IL20RA: variants seen among roughly 807,000 people sequenced by gnomAD.
The protein encoded by IL20RA is interleukin-20 receptor subunit alpha.
A neutral mutation model predicts 36.5 loss-of-function variants in IL20RA; 29 were observed. The observed-to-expected ratio is 0.79, with a 90% CI of 0.59 to 1.08. The LOEUF is 1.08. Ranked by LOEUF, IL20RA falls within the 50% of genes least tolerant of loss-of-function variation. The probability of loss-of-function intolerance (pLI) is 0.00; values close to 1 mark genes in which losing one functional copy is unlikely to be tolerated. For missense variants in IL20RA, 652 were observed against 668.4 expected, an observed-to-expected ratio of 0.98 and a Z score of 0.27; for synonymous variants, 279 against 267.1, an observed-to-expected ratio of 1.04 and a Z score of -0.43.
At chr6:137,033,278 A>T (rs1776362920) in intron 1 of IL20RA, among the ~76,000 whole-genome samples, 1 of 152,180 alleles carries the variant, frequency 6.6e-6, no homozygotes, top group African/African-American at 2.4e-5. Flanking sequence ...TCTGAGTCCC[A>T]TCCTCTTCTT....
intron 6 of IL20RA, among the ~76,000 whole-genome samples, chr6:137,003,127 TACA>T (rs1045231878): frequency 1.3e-5 from 2 of 152,206 alleles, no homozygotes; most frequent in African/African-American, 4.8e-5. Context: ...CTCAATCTTT[TACA>T]ACATTTTAAG....
intron 3 of IL20RA, among the ~76,000 whole-genome samples, chr6:137,009,822 T>C (rs1582820723): frequency 6.6e-6 from 1 of 152,024 alleles, no homozygotes. Context: ...GCCAGGCTTG[T>C]CTCGAACTCC....
chr6:137,010,388 ATTTCC>A (rs1775443847), intron 3 of IL20RA, among the ~76,000 whole-genome samples: 1 of 152,248 alleles, frequency 6.6e-6, no homozygotes, highest in African/African-American at 2.4e-5. Flanking sequence ...CAACATTTCA[ATTTCC>A]TTTACTTTTC....
chr6:137,018,513 C>CATGTGTGT (rs749921946), intron 1 of IL20RA, among the ~76,000 whole-genome samples: 1 of 142,816 alleles, frequency 7.0e-6, no homozygotes, highest in East Asian at 2.1e-4. Context: ...CTGCCGTGTG[C>CATGTGTGT]GTGTGTGTGT....
In IL20RA at chr6:137,014,240, T is replaced by G. The variant is rs934119710; in HGVS notation, c.224+2728A>C. On this transcript the variant is annotated intron_variant, in intron 2 of 6. Coordinates refer to ENST00000316649, the MANE Select transcript of IL20RA (RefSeq NM_014432.4). ...TTTTTCAAAGACAAAACTGACTTTA[T>G]TCTTTTTTGAAAATATGGTAAATTT... 2.0e-5 allele frequency among the ~76,000 whole-genome samples: 3 copies of G among 152,372 alleles called. No individual in the cohort carries two copies. The East Asian group carries it at 5.8e-4, about 29-fold the overall frequency.
intron 1 of IL20RA, among the ~76,000 whole-genome samples, chr6:137,020,487 T>TAA (rs745915920): frequency 4.5e-5 from 3 of 66,902 alleles, no homozygotes; most frequent in Admixed American, 2.2e-4. Context: ...GACCAATCAC[T>TAA]AAAAAAAAAA....
intron 1 of IL20RA, chr6:137,044,206 C>T (rs1776813609): frequency 4.1e-6 from 4 of 987,322 alleles, no homozygotes; most frequent in Non-Finnish European, 4.8e-6. Context: ...CGGGGCCCGG[C>T]GGCCGAGACG....
chr6:137,001,408 G>T lies in IL20RA; in HGVS notation c.*150C>A. Reference sequence around the variant, plus strand: ...ACATGCATGAACCAATCACACACGTGCTATGAGAATAGAGAAAAGAAATAA... The same window carrying T: ...ACATGCATGAACCAATCACACACGTTCTATGAGAATAGAGAAAAGAAATAA... On this transcript the variant is annotated 3_prime_UTR_variant, in exon 7 of 7. Transcript: ENST00000316649. The T allele has an allele frequency of 1.4e-6, 1 of 700,370 alleles. No homozygotes were observed. Among genetic ancestry groups the T allele is most frequent in the Non-Finnish European group, 2.4e-6 (1 of 420,610 alleles). 43.4% of individuals were successfully genotyped at this position (700,370 alleles called of 1,614,324 possible). A position where few individuals can be genotyped will look rare whatever the true frequency, so the allele number is the denominator to read the frequency against.
In IL20RA at chr6:137,000,132, C is replaced by T. The variant is rs574477230; in HGVS notation, c.*1426G>A. The T allele has an allele frequency of 1.3e-5, 2 of 152,274 alleles. No individual in the cohort carries two copies. The highest frequency in any genetic ancestry group is 2.1e-4 in the South Asian group (1 of 4,828). 9.4% of individuals were successfully genotyped at this position (152,274 alleles called of 1,614,324 possible). On this transcript the variant is annotated 3_prime_UTR_variant, in exon 7 of 7. Coordinates refer to ENST00000316649, the MANE Select transcript of IL20RA (RefSeq NM_014432.4). ...CAGAACACTCTGATTAATATAATTA[C>T]TCCCTAAATTAAACCATTAGATCTG...
At chr6:137,021,837 AC>A (rs1775919144) in intron 1 of IL20RA, among the ~76,000 whole-genome samples, 1 of 152,110 alleles carries the variant, frequency 6.6e-6, no homozygotes, top group Non-Finnish European at 1.5e-5. Flanking sequence ...CTAAATCCTT[AC>A]CACACAGCCA....
intron 5 of IL20RA, 128 bp downstream of exon 5, chr6:137,008,471 G>A (rs1775349636): frequency 1.1e-6 from 1 of 950,630 alleles, no homozygotes; most frequent in Non-Finnish European, 1.5e-6. Flanking sequence ...GGTGGTAGTT[G>A]TTTCTGCCTT....
At chr6:137,025,587 G>A (rs1776057834) in intron 1 of IL20RA, among the ~76,000 whole-genome samples, 1 of 152,158 alleles carries the variant, frequency 6.6e-6, no homozygotes, top group Non-Finnish European at 1.5e-5. Flanking sequence ...CTGTTTGCTC[G>A]CAGGTCCTTC....
intron 6 of IL20RA, among the ~76,000 whole-genome samples, chr6:137,002,946 G>C (rs933807038): frequency 6.6e-6 from 1 of 152,184 alleles, no homozygotes; most frequent in African/African-American, 2.4e-5. Context: ...TCATCTGCCA[G>C]TTTACGGTAG....
At chr6:137,032,966 A>G (rs1430953749) in intron 1 of IL20RA, among the ~76,000 whole-genome samples, 1 of 152,250 alleles carries the variant, frequency 6.6e-6, no homozygotes. Context: ...AGTAATCAGG[A>G]TAAAAGCAGG....
At position 137,002,265 on chromosome 6, in the gene IL20RA, C is replaced by T; in HGVS notation, c.955G>A (p.Asp319Asn). 1 of 1,613,796 alleles carries T rather than the reference C, an allele frequency of 6.2e-7. No individual in the cohort carries two copies. The highest frequency in any genetic ancestry group is 1.1e-5 in the South Asian group (1 of 91,036). The change falls in exon 7 of 7, where the codon GAT becomes AAT. Residue 319 changes from aspartate to asparagine, a missense_variant. Physicochemically the swap from Asp to Asn is conservative, Grantham distance 23. Transcript: ENST00000316649. ...ATATCCTGATGAGAAATTTTAGAAT[C>T]ATCCGAGATATTGAGGGTGATAAAG... is the stretch of plus-strand genomic sequence containing the variant. The part of the protein sequence containing the change: ...INFITLNISD[D>N]SKISHQDMSL...
chr6:137,009,982 CTGAAACCAACCT>C lies in IL20RA; in HGVS notation c.404-502_404-491del, dbSNP rs200614554. ...AGATATGCCAGATCTTGAAACCATCCTGAAACCAACCTTGAAACCAACCTTCACACAGCCTGA... is the reference window on the plus strand; with the variant it reads ...AGATATGCCAGATCTTGAAACCATCCTGAAACCAACCTTCACACAGCCTGA... On this transcript the variant is annotated intron_variant, in intron 3 of 6. Transcript: ENST00000316649. Among the ~76,000 whole-genome samples, 125 of 152,282 alleles carry C rather than the reference CTGAAACCAACCT, an allele frequency of 8.2e-4. 3 individuals are homozygous for C. In the East Asian group the frequency reaches 0.019, roughly 23 times the overall value.
intron 4 of IL20RA, 45 bp from the exon 5 acceptor site, chr6:137,008,788 G>A: frequency 6.8e-7 from 1 of 1,477,894 alleles, no homozygotes. Flanking sequence ...AGACATTTCT[G>A]GGACCACCCC....
chr6:137,036,993 T>C (rs1214964939), intron 1 of IL20RA, among the ~76,000 whole-genome samples: 1 of 152,196 alleles, frequency 6.6e-6, no homozygotes, highest in Non-Finnish European at 1.5e-5. Context: ...ATACGGTTGA[T>C]AATGTAAACA....
chr6:137,016,046 C>T (rs1775671909), intron 2 of IL20RA, among the ~76,000 whole-genome samples: 1 of 152,172 alleles, frequency 6.6e-6, no homozygotes. Context: ...AGCCTGTCTG[C>T]CCTCAGGTTT....
Sources: gnomAD v4.1 joint callset for allele counts (sites outside exome capture counted in the v4.1 genomes callset) on GRCh38, gnomAD v4.1.1 for gene constraint, MANE v1.5 for transcripts, NCBI Gene and HGNC (gene_info 2026-07-23, HGNC 2026-07-21) for gene names.